CLCN6: variants seen among roughly 807,000 people sequenced by gnomAD.
CLCN6 encodes the protein H(+)/Cl(-) exchange transporter 6.
A neutral mutation model predicts 109.8 loss-of-function variants in CLCN6; 70 were observed. The ratio of observed to expected loss-of-function variants is 0.64; its 90% CI spans 0.53 to 0.78. The LOEUF is 0.78. Among genes scored for constraint, CLCN6 ranks in the 30% least tolerant of loss-of-function variants. The probability of loss-of-function intolerance (pLI) is 0.00; values close to 1 mark genes in which losing one functional copy is unlikely to be tolerated. For missense variants in CLCN6, 984 were observed against 1,142.3 expected (o/e 0.86, Z 2.00); for synonymous variants, 444 against 447.8 (o/e 0.99, Z 0.11).
chr1:11,838,586 C>G lies in CLCN6; in HGVS notation c.2455C>G (p.His819Asp). The stretch of plus-strand genomic sequence containing the variant: ...GCCTTTCACCGTCTCGCCCAACACC[C>G]ACGTCTCCCAAGTCTTCAACCTGTT... The part of the protein sequence containing the change: ...PSPFTVSPNT[H>D]VSQVFNLFRT... Residue 819 changes from histidine to aspartate, a missense_variant, in exon 22 of 23, where the codon CAC becomes GAC. His to Asp is a moderately conservative substitution (Grantham distance 81). Coordinates refer to ENST00000346436, the MANE Select transcript of CLCN6 (RefSeq NM_001286.5). The G allele has an allele frequency of 1.9e-6, 3 of 1,613,576 alleles. No individual in the cohort carries two copies. The highest frequency in any genetic ancestry group is 2.5e-6 in the Non-Finnish European group (3 of 1,179,496).
chr1:11,833,809 G>T, intron 14 of CLCN6, 68 bp from the exon 15 acceptor site: 1 of 1,570,446 alleles, frequency 6.4e-7, no homozygotes, highest in Non-Finnish European at 8.6e-7. Flanking sequence ...GTGTGGTCGG[G>T]CCCGGTAGGT....
Position 11,822,782 on chromosome 1 carries a change from GCCT to G in CLCN6, c.438_440del (p.Leu147del). 6.2e-7 allele frequency: 1 copy of G among 1,613,684 alleles called. No homozygotes were observed. Among genetic ancestry groups the G allele is most frequent in the Non-Finnish European group, 8.5e-7 (1 of 1,179,624 alleles). The stretch of plus-strand genomic sequence containing the variant: ...AACCTCACCTTTGTCTTCCTGGCAA[GCCT>G]CCTTGTTCTCATTGAGGTGAGGTGG... On this transcript the variant is annotated inframe_deletion, in exon 6 of 23. Coordinates refer to ENST00000346436, the MANE Select transcript of CLCN6 (RefSeq NM_001286.5).
chr1:11,839,617 G>A (rs1476545318), intron 22 of CLCN6, among the ~76,000 whole-genome samples: 1 of 152,210 alleles, frequency 6.6e-6, no homozygotes, highest in Non-Finnish European at 1.5e-5. Context: ...TACTTACACA[G>A]GTTTTGTTGC....
In CLCN6 at chr1:11,816,995, AT is replaced by A. The variant is rs111251665; in HGVS notation, c.279+316del. ...TTTATCTTTTATGATATGATTATGG[AT>A]CATAATCTCTAATCTACCTAGTAAA... On this transcript the variant is annotated intron_variant, in intron 4 of 22. Transcript: ENST00000346436. Among the ~76,000 whole-genome samples the A allele has an allele frequency of 3.6e-3, 541 of 152,272 alleles. 1 individual carries two copies. The highest frequency in any genetic ancestry group is 0.013 in the African/African-American group (523 of 41,556).
At chr1:11,818,666 C>G (rs1217797789) in intron 4 of CLCN6, among the ~76,000 whole-genome samples, 1 of 152,196 alleles carries the variant, frequency 6.6e-6, no homozygotes, top group Admixed American at 6.5e-5. Flanking sequence ...GATCCTGAAT[C>G]CATAAAATTA....
intron 12 of CLCN6, 133 bp downstream of exon 12, chr1:11,828,757 A>G: frequency 1.0e-6 from 1 of 977,680 alleles, no homozygotes; most frequent in Non-Finnish European, 1.5e-6. Flanking sequence ...GAATCTAAAC[A>G]CGGCCATGCA....
chr1:11,830,730 G>GTA (rs1421497805), intron 13 of CLCN6, among the ~76,000 whole-genome samples: 14 of 102,400 alleles, frequency 1.4e-4, no homozygotes, highest in African/African-American at 4.9e-4. Context: ...CCAGTTATAT[G>GTA]TATATATTAT....
Position 11,838,580 on chromosome 1 carries a change from A to G in CLCN6, c.2449A>G (p.Asn817Asp). 1 of 1,613,192 alleles carries G rather than the reference A, an allele frequency of 6.2e-7. No homozygotes were observed. The highest frequency in any genetic ancestry group is 8.5e-7 in the Non-Finnish European group (1 of 1,179,228). ...CCCTTCGCCTTTCACCGTCTCGCCC[A>G]ACACCCACGTCTCCCAAGTCTTCAA... ...MNPSPFTVSP[N>D]THVSQVFNLF... Residue 817 changes from asparagine to aspartate, a missense_variant, in exon 22 of 23, where the codon AAC becomes GAC. Asn to Asp is a conservative substitution (Grantham distance 23). Transcript: ENST00000346436.
At position 11,823,861 on chromosome 1, in the gene CLCN6, A is replaced by G. The variant is rs183248486; in HGVS notation, c.580+28A>G. The G allele has an allele frequency of 8.1e-6, 13 of 1,612,574 alleles. No homozygotes were observed. The East Asian group carries it at 2.9e-4, about 36-fold the overall frequency. The stretch of plus-strand genomic sequence containing the variant: ...AAGAAGGGTCCAACTTGTATCCTTC[A>G]AATACTCAAAGGGCAGAGACGACAA... On this transcript the variant is annotated intron_variant, in intron 7 of 22. Transcript: ENST00000346436.
intron 5 of CLCN6, chr1:11,820,431 G>C: frequency 1.4e-6 from 1 of 711,868 alleles, no homozygotes. Context: ...CAAGAGTGGG[G>C]AATAATTTCT....
At chr1:11,808,890 C>G (rs892991166) in intron 2 of CLCN6, among the ~76,000 whole-genome samples, 20 of 151,762 alleles carry the variant, frequency 1.3e-4, no homozygotes, top group African/African-American at 4.8e-4. Flanking sequence ...TGGAGTCTCA[C>G]TCTTAGTGCC....
At chr1:11,826,272 G>A (rs1184758330) in intron 9 of CLCN6, 58 bp downstream of exon 9, 52 of 1,356,916 alleles carry the variant, frequency 3.8e-5, no homozygotes, top group Non-Finnish European at 5.3e-5. Context: ...ATGCGCTGCG[G>A]GTCAGACTCG....
rs370566631 is a variant in CLCN6, at chr1:11,823,881, C to T, written c.580+48C>T. Reference sequence around the variant, plus strand: ...CCTTCAAATACTCAAAGGGCAGAGACGACAAGAAGCATGATGTATTTCAGT... The same window carrying T: ...CCTTCAAATACTCAAAGGGCAGAGATGACAAGAAGCATGATGTATTTCAGT... On this transcript the variant is annotated intron_variant, in intron 7 of 22. Coordinates refer to ENST00000346436, the MANE Select transcript of CLCN6 (RefSeq NM_001286.5). 43 of 1,605,994 alleles carry T rather than the reference C, an allele frequency of 2.7e-5. 1 individual carries two copies. The highest frequency in any genetic ancestry group is 2.5e-4 in the South Asian group (23 of 90,582).
chr1:11,828,573 G>A lies in CLCN6; in HGVS notation c.1070G>A (p.Arg357Lys), dbSNP rs1446702938. ...GCCACATTCAACTGTCTGAACAAGA[G>A]GCTTGCAAAGTACCGTATGCGAAAC... ...LGATFNCLNK[R>K]LAKYRMRNVH... Residue 357 changes from arginine (R) to lysine (K), a missense_variant, in exon 12 of 23, where the codon AGG becomes AAG. Transcript: ENST00000346436. 6.2e-7 allele frequency: 1 copy of A among 1,614,016 alleles called. No homozygotes were observed. Among genetic ancestry groups the A allele is most frequent in the African/African-American group, 1.3e-5 (1 of 74,914 alleles).
chr1:11,836,059 T>A lies in CLCN6; in HGVS notation c.1886T>A (p.Val629Asp). 6.2e-7 allele frequency: 1 copy of A among 1,613,394 alleles called. No homozygotes were observed. The highest frequency in any genetic ancestry group is 8.5e-7 in the Non-Finnish European group (1 of 1,179,822). Residue 629 changes from valine to aspartate, a missense_variant, in exon 18 of 23, where the codon GTC becomes GAC. Val to Asp is a radical substitution (Grantham distance 152). Coordinates refer to ENST00000346436, the MANE Select transcript of CLCN6 (RefSeq NM_001286.5). ...CTGGTGAGCATCCTGCGCACCACGG[T>A]CCACCATGCCTTCCCGGTGGTCACA... ...QSLVSILRTTVHHAFPVVTEN... is the reference protein window; with the variant it reads ...QSLVSILRTTDHHAFPVVTEN...
intron 2 of CLCN6, 122 bp downstream of exon 2, chr1:11,807,312 T>A: frequency 2.5e-6 from 2 of 796,576 alleles, no homozygotes; most frequent in Non-Finnish European, 4.2e-6. Context: ...AGTGAGTGGG[T>A]AAGAGAACTT....
chr1:11,836,072 C>T lies in CLCN6; in HGVS notation c.1899C>T (p.Phe633=), dbSNP rs1357930093. 6.2e-7 allele frequency: 1 copy of T among 1,614,110 alleles called. No homozygotes were observed. ...TGCGCACCACGGTCCACCATGCCTT[C>T]CCGGTGGTCACAGAGAACCGCGGTA... ...SILRTTVHHA[F]PVVTENRGNE... Residue 633 remains phenylalanine (F), a synonymous_variant, in exon 18 of 23, where the codon TTC becomes TTT. Coordinates refer to ENST00000346436, the MANE Select transcript of CLCN6 (RefSeq NM_001286.5).
intron 2 of CLCN6, among the ~76,000 whole-genome samples, chr1:11,813,446 A>G (rs1240546496): frequency 6.0e-5 from 9 of 150,064 alleles, no homozygotes; most frequent in Non-Finnish European, 1.3e-4. Context: ...GCTGGAGTGC[A>G]GTAGCACAAT....
At chr1:11,823,911 A>G in intron 7 of CLCN6, 78 bp downstream of exon 7, 7 of 1,574,528 alleles carry the variant, frequency 4.4e-6, no homozygotes, top group Non-Finnish European at 6.1e-6. Context: ...TTCAGTTATT[A>G]GATTTGGACT....
Sources: gnomAD v4.1 joint callset for allele counts (sites outside exome capture counted in the v4.1 genomes callset) on GRCh38, gnomAD v4.1.1 for gene constraint, MANE v1.5 for transcripts, NCBI Gene and HGNC (gene_info 2026-07-23, HGNC 2026-07-21) for gene names.